Variants in LRIG2 observed in about 807,000 individuals in gnomAD.
The protein encoded by LRIG2 is leucine rich repeats and immunoglobulin like domains 2, also known as leucine-rich repeats and immunoglobulin-like domains protein 2.
A neutral mutation model predicts 107.8 loss-of-function variants in LRIG2; 93 were observed. The observed-to-expected ratio is 0.86, with a 90% confidence interval of 0.73 to 1.03. LRIG2 has a LOEUF of 1.03. Among genes scored for constraint, LRIG2 ranks in the 50% least tolerant of loss-of-function variants. The probability of loss-of-function intolerance (pLI) is 0.00; values close to 1 mark genes in which losing one functional copy is unlikely to be tolerated. For missense variants in LRIG2, 1,226 were observed against 1,296.0 expected, an observed-to-expected ratio of 0.95 and a Z score of 0.83; for synonymous variants, 471 against 470.6, an observed-to-expected ratio of 1.00 and a Z score of -0.01.
Position 113,127,381 on chromosome 1 carries a change from C to CTTTTT in LRIG2, c.*3297_*3301dup, listed in dbSNP as rs33992650. ...ATTACAGGCACACCACCATTTCCAG[C>CTTTTT]TTTTTTTTTTTTTTTTTTTTTGATA... is the stretch of plus-strand genomic sequence containing the variant. On this transcript the variant is annotated 3_prime_UTR_variant, in exon 18 of 18. Transcript: ENST00000361127. 1 of 102,246 alleles carries CTTTTT rather than the reference C, an allele frequency of 9.8e-6. No homozygotes were observed. Among genetic ancestry groups the CTTTTT allele is most frequent in the Non-Finnish European group, 2.0e-5 (1 of 50,854 alleles). 6.3% of individuals were successfully genotyped at this position (102,246 alleles called of 1,614,324 possible).
intron 13 of LRIG2, 82 bp downstream of exon 13, chr1:113,110,644 T>C: frequency 1.0e-6 from 1 of 989,358 alleles, no homozygotes; most frequent in Non-Finnish European, 1.5e-6. Context: ...AGAATTAGAC[T>C]AAATCTGACA....
intron 12 of LRIG2, 98 bp downstream of exon 12, chr1:113,107,855 G>T: frequency 9.3e-7 from 1 of 1,073,228 alleles, no homozygotes; most frequent in Non-Finnish European, 1.3e-6. Flanking sequence ...AGGAATTTTT[G>T]TAATCATACA....
At position 113,131,802 on chromosome 1, in the gene LRIG2, TTGTGTGTGTGTGTGTGTGTGTG is replaced by T. The variant is rs56809946; in HGVS notation, c.*7722_*7743del. ...GGTTTTGTCAGTAGTAAGGTAGGTT[TTGTGTGTGTGTGTGTGTGTGTG>T]TGTGTGTGTGTGTGTGTGTGAAGAT... On this transcript the variant is annotated 3_prime_UTR_variant, in exon 18 of 18. Transcript: ENST00000361127. 1.4e-4 allele frequency: 21 copies of T among 147,726 alleles called. No individual in the cohort carries two copies. Among genetic ancestry groups the T allele is most frequent in the Non-Finnish European group, 2.2e-4 (15 of 67,116 alleles). 9.2% of individuals were successfully genotyped at this position (147,726 alleles called of 1,614,324 possible).
chr1:113,105,625 C>CA (rs1477829178), intron 11 of LRIG2, among the ~76,000 whole-genome samples: 5 of 152,058 alleles, frequency 3.3e-5, no homozygotes. Context: ...AAAAAAGTTG[C>CA]ATTAGAGCCA....
chr1:113,078,244 C>CT (rs71087146), intron 1 of LRIG2, among the ~76,000 whole-genome samples: 1,507 of 143,626 alleles, frequency 0.01, 11 homozygotes, highest in Non-Finnish European at 0.013. Context: ...TGGATTTAGT[C>CT]TTTTTTTTTT....
At chr1:113,109,965 G>A (rs971090246) in intron 12 of LRIG2, among the ~76,000 whole-genome samples, 4 of 152,138 alleles carry the variant, frequency 2.6e-5, no homozygotes, top group African/African-American at 9.7e-5. Context: ...GACAGTAAGG[G>A]CTAGTAGAAA....
chr1:113,106,888 A>C (rs1318086115), intron 11 of LRIG2, among the ~76,000 whole-genome samples: 1 of 152,224 alleles, frequency 6.6e-6, no homozygotes, highest in African/African-American at 2.4e-5. Context: ...CAATGCTCCA[A>C]TATATAGTAA....
At chr1:113,090,755 G>T (rs892854007) in intron 1 of LRIG2, among the ~76,000 whole-genome samples, 20 of 151,600 alleles carry the variant, frequency 1.3e-4, no homozygotes, top group Non-Finnish European at 2.5e-4. Context: ...GGAGAATGGC[G>T]TGAACCCGGG....
intron 16 of LRIG2, among the ~76,000 whole-genome samples, chr1:113,116,867 AC>A: frequency 6.6e-6 from 1 of 152,238 alleles, no homozygotes; most frequent in South Asian, 2.1e-4. Context: ...AGTCCCATCT[AC>A]CCACGAGGCT....
chr1:113,076,568 T>C (rs1652992174), intron 1 of LRIG2, among the ~76,000 whole-genome samples: 1 of 152,232 alleles, frequency 6.6e-6, no homozygotes, highest in Non-Finnish European at 1.5e-5. Flanking sequence ...TATTAAAAGA[T>C]AGTACCGTAC....
At chr1:113,091,786 GATATC>G (rs1405119379) in intron 2 of LRIG2, among the ~76,000 whole-genome samples, 1 of 152,140 alleles carries the variant, frequency 6.6e-6, no homozygotes, top group Non-Finnish European at 1.5e-5. Flanking sequence ...GAGTATTCTT[GATATC>G]ATATGAGAAT....
intron 11 of LRIG2, 146 bp downstream of exon 11, chr1:113,100,634 G>A (rs1398805899): frequency 7.7e-6 from 4 of 521,814 alleles, no homozygotes; most frequent in Non-Finnish European, 1.4e-5. Context: ...AGTTATTTAA[G>A]CGGCTAGAGG....
intron 11 of LRIG2, among the ~76,000 whole-genome samples, chr1:113,100,907 G>T (rs968012898): frequency 1.3e-5 from 2 of 152,170 alleles, no homozygotes; most frequent in Admixed American, 6.5e-5. Flanking sequence ...GTCAGAGACG[G>T]TTCTCTAACC....
chr1:113,123,760 T>A (rs1481609469), intron 17 of LRIG2, 115 bp from the exon 18 acceptor site: 3 of 693,954 alleles, frequency 4.3e-6, no homozygotes, highest in Middle Eastern at 3.5e-4. Flanking sequence ...TGTGTGTGTG[T>A]GATTTCAGTG....
intron 15 of LRIG2, 102 bp from the exon 16 acceptor site, chr1:113,116,185 T>A: frequency 1.1e-6 from 1 of 943,498 alleles, no homozygotes; most frequent in South Asian, 1.8e-5. Flanking sequence ...ACGTACAGTT[T>A]TTCTTGCTAA....
rs1158957915 is a variant in LRIG2, at chr1:113,110,292, C to G, written c.1528C>G (p.Leu510Val). The G allele has an allele frequency of 6.2e-7, 1 of 1,614,072 alleles. No homozygotes were observed. Among genetic ancestry groups the G allele is most frequent in the Non-Finnish European group, 8.5e-7 (1 of 1,179,960 alleles). Residue 510 changes from leucine to valine, a missense_variant, in exon 13 of 18, where the codon CTA becomes GTA. Physicochemically the swap from Leu to Val is conservative, Grantham distance 32. Coordinates refer to ENST00000361127, the MANE Select transcript of LRIG2 (RefSeq NM_014813.3). The part of the protein sequence containing the change: ...IRTHPETIIA[L>V]RGMNVTLTCT... ...GACACATCCTGAAACCATAATTGCTCTAAGAGGCATGAATGTGACTCTGAC... is the reference window on the plus strand; with the variant it reads ...GACACATCCTGAAACCATAATTGCTGTAAGAGGCATGAATGTGACTCTGAC...
At chr1:113,100,808 C>G (rs1438300005) in intron 11 of LRIG2, 1 of 192,230 alleles carries the variant, frequency 5.2e-6, no homozygotes, top group African/African-American at 2.3e-5. Context: ...CATGTGTTAC[C>G]AGTTCTTAAC....
At position 113,089,066 on chromosome 1, in the gene LRIG2, G is replaced by A. The variant is rs115976004; in HGVS notation, c.240-2252G>A. On this transcript the variant is annotated intron_variant, in intron 1 of 17. Coordinates refer to ENST00000361127, the MANE Select transcript of LRIG2 (RefSeq NM_014813.3). ...CATGGTGTAAATTAAGCTCTTAAAT[G>A]AAAGTGGCTAGCTTTTACTGATAGG... 2.6e-3 allele frequency among the ~76,000 whole-genome samples: 395 copies of A among 152,316 alleles called. 2 individuals carry two copies. The highest frequency in any genetic ancestry group is 8.9e-3 in the African/African-American group (372 of 41,578).
rs193033744 is a variant in LRIG2 at position 113,111,774 on chromosome 1, T to C, written c.1799-705T>C. On this transcript the variant is annotated intron_variant, in intron 13 of 17. Coordinates refer to ENST00000361127, the MANE Select transcript of LRIG2 (RefSeq NM_014813.3). ...ATACTTTTGAAGGCATAAGTTTTTT[T>C]AGCATGCAGTTTCCTTGATAGCTTT... Among the ~76,000 whole-genome samples, 41 of 152,292 alleles carry C rather than the reference T, an allele frequency of 2.7e-4. 1 individual carries two copies. Among genetic ancestry groups the C allele is most frequent in the Admixed American group, 2.3e-3 (35 of 15,294 alleles).
Sources: gnomAD v4.1 joint callset for allele counts (sites outside exome capture counted in the v4.1 genomes callset) on GRCh38, gnomAD v4.1.1 for gene constraint, MANE v1.5 for transcripts, NCBI Gene and HGNC (gene_info 2026-07-23, HGNC 2026-07-21) for gene names.